FGD6: variants seen among roughly 807,000 people sequenced by gnomAD.
The protein encoded by FGD6 is FYVE, RhoGEF and PH domain containing 6, also known as FYVE, RhoGEF and PH domain-containing protein 6.
In FGD6, 90 loss-of-function variants were observed where a neutral mutation model predicts 149.4. The observed-to-expected ratio is 0.60, with a 90% CI of 0.51 to 0.72. The LOEUF (loss-of-function observed/expected upper bound fraction) is 0.72, where lower values mean the gene tolerates loss of function less well. Ranked by LOEUF, FGD6 falls within the 30% of genes least tolerant of loss-of-function variation. The pLI is 0.00. For missense variants in FGD6, 1,437 were observed against 1,684.8 expected, an observed-to-expected ratio of 0.85 and a Z score of 2.57; for synonymous variants, 527 against 584.0, an observed-to-expected ratio of 0.90 and a Z score of 1.41.
In FGD6 at chr12:95,217,208, C is replaced by T. The variant is rs746941262; in HGVS notation, c.16+17G>A. Reference sequence around the variant, plus strand: ...CGCCACAAACTTTCCCGCGGCAGCGCGAGCGCCGTCACTTACCGGCTGCAG... The same window carrying T: ...CGCCACAAACTTTCCCGCGGCAGCGTGAGCGCCGTCACTTACCGGCTGCAG... On this transcript the variant is annotated intron_variant, in intron 1 of 20. Coordinates refer to ENST00000343958, the MANE Select transcript of FGD6 (RefSeq NM_018351.4). The T allele has an allele frequency of 1.2e-6, 2 of 1,612,414 alleles. No homozygotes were observed. The highest frequency in any genetic ancestry group is 1.7e-6 in the Non-Finnish European group (2 of 1,178,960).
intron 8 of FGD6, chr12:95,125,863 GGGCTTT>G: frequency 2.7e-6 from 3 of 1,127,998 alleles, no homozygotes; most frequent in Non-Finnish European, 4.1e-6. Flanking sequence ...GATCAGAACA[GGGCTTT>G]GGTTGGTGGA....
At chr12:95,141,616 C>G in intron 5 of FGD6, 77 bp from the exon 6 acceptor site, 1 of 1,513,978 alleles carries the variant, frequency 6.6e-7, no homozygotes, top group Non-Finnish European at 9.1e-7. Context: ...AGTCCCCCTC[C>G]TCCCTAAAAT....
chr12:95,085,870 G>C lies in FGD6; in HGVS notation c.4017C>G (p.Tyr1339Ter). 1 of 1,612,220 alleles carries C rather than the reference G, an allele frequency of 6.2e-7. No homozygotes were observed. The highest frequency in any genetic ancestry group is 8.5e-7 in the Non-Finnish European group (1 of 1,179,620). ...ANTEDSSMSG[Y>*]LYRSKGNKKP... ...TTTTATTGCCCTTTGATCTGTACAAGTAGCCACTCATAGAAGAATCCTCTG... is the reference window on the plus strand; with the variant it reads ...TTTTATTGCCCTTTGATCTGTACAACTAGCCACTCATAGAAGAATCCTCTG... The change falls in exon 19 of 21, where the codon TAC (tyrosine) becomes TAG (stop). Residue 1339 changes from tyrosine to a stop codon, truncating the protein, a stop_gained. Transcript: ENST00000343958. LOFTEE classifies it high-confidence loss of function.
intron 3 of FGD6, 64 bp downstream of exon 3, chr12:95,172,536 T>C (rs957349519): frequency 6.5e-6 from 9 of 1,390,760 alleles, no homozygotes; most frequent in Non-Finnish European, 8.7e-6. Flanking sequence ...GTGCCTATTA[T>C]GCAGACAAAT....
intron 8 of FGD6, among the ~76,000 whole-genome samples, chr12:95,125,137 A>G (rs911899671): frequency 1.1e-4 from 16 of 152,184 alleles, no homozygotes; most frequent in African/African-American, 2.4e-4. Flanking sequence ...CTCATAGGCT[A>G]TATCAGACTG....
At chr12:95,083,032 C>CATATATATATATATATATATAT (rs1877748461) in intron 20 of FGD6, among the ~76,000 whole-genome samples, 5 of 73,918 alleles carry the variant, frequency 6.8e-5, no homozygotes, top group African/African-American at 2.9e-4. Flanking sequence ...TATATATATA[C>CATATATATATATATATATATAT]ACACACATAC....
At chr12:95,112,892 C>T (rs1009255185) in intron 9 of FGD6, among the ~76,000 whole-genome samples, 3 of 152,188 alleles carry the variant, frequency 2.0e-5, no homozygotes, top group Admixed American at 6.5e-5. Flanking sequence ...CTTTTTTAGA[C>T]TCATCCCTGC....
In FGD6 at chr12:95,209,888, G is replaced by A; in HGVS notation, c.1396C>T (p.His466Tyr). The change falls in exon 2 of 21, where the codon CAT (histidine) becomes TAT (tyrosine). Residue 466 changes from histidine (H) to tyrosine (Y), a missense_variant. Around this residue, in one of 2 missense-constraint regions of FGD6, gnomAD observed 1,055 missense variants for 1,146.0 expected, o/e 0.92. Transcript: ENST00000343958. ...CCCAGGTTTCTCCCAGATTGCAAAT[G>A]TTCATTGCAAGTTAATTTGAGCTGC... ...PKQLKLTCNE[H>Y]LQSGRNLGVS... 1 of 1,613,280 alleles carries A rather than the reference G, an allele frequency of 6.2e-7. No homozygotes were observed. Among genetic ancestry groups the A allele is most frequent in the South Asian group, 1.1e-5 (1 of 90,692 alleles).
intron 2 of FGD6, among the ~76,000 whole-genome samples, chr12:95,175,799 C>CAAAAAAAAAAAAAA (rs61051041): frequency 5.1e-5 from 2 of 38,896 alleles, no homozygotes; most frequent in Non-Finnish European, 1.0e-4. Context: ...GACTCTGTCT[C>CAAAAAAAAAAAAAA]AAAAAAAAAA....
intron 3 of FGD6, among the ~76,000 whole-genome samples, chr12:95,164,894 GCT>G (rs1309943429): frequency 6.6e-6 from 1 of 151,972 alleles, no homozygotes; most frequent in Admixed American, 6.6e-5. Flanking sequence ...TCTAAACAAT[GCT>G]CTCTTAGGTT....
intron 6 of FGD6, among the ~76,000 whole-genome samples, chr12:95,139,660 CT>C (rs570540891): frequency 0.097 from 13,149 of 135,082 alleles, 676 homozygotes; most frequent in African/African-American, 0.16. Flanking sequence ...TCTATCATGA[CT>C]TTTTTTTTTT....
At chr12:95,211,795 C>A (rs952507162) in intron 1 of FGD6, among the ~76,000 whole-genome samples, 1 of 152,166 alleles carries the variant, frequency 6.6e-6, no homozygotes, top group African/African-American at 2.4e-5. Context: ...ACCTCAGCCT[C>A]CCAAAGTGCT....
chr12:95,201,139 TA>T (rs1443656661), intron 2 of FGD6, among the ~76,000 whole-genome samples: 1 of 152,086 alleles, frequency 6.6e-6, no homozygotes, highest in African/African-American at 2.4e-5. Flanking sequence ...CTATCAAATG[TA>T]ATATACAAGC....
At chr12:95,197,233 G>A (rs1881756084) in intron 2 of FGD6, among the ~76,000 whole-genome samples, 2 of 151,876 alleles carry the variant, frequency 1.3e-5, no homozygotes, top group South Asian at 2.1e-4. Context: ...GAGGTCAGGA[G>A]TTTGAGACCA....
chr12:95,198,295 C>T (rs1458345708), intron 2 of FGD6, among the ~76,000 whole-genome samples: 2 of 152,176 alleles, frequency 1.3e-5, no homozygotes, highest in African/African-American at 4.8e-5. Context: ...AGTTATTCAA[C>T]CCCATTAAGT....
At chr12:95,105,562 A>G (rs1459311244) in intron 13 of FGD6, among the ~76,000 whole-genome samples, 1 of 152,178 alleles carries the variant, frequency 6.6e-6, no homozygotes, top group African/African-American at 2.4e-5. Flanking sequence ...TGTCTTCCCA[A>G]CTAGTTGCTA....
At chr12:95,114,810 C>G (rs1878958037) in intron 8 of FGD6, among the ~76,000 whole-genome samples, 1 of 152,156 alleles carries the variant, frequency 6.6e-6, no homozygotes. Flanking sequence ...TTAAAGCCCC[C>G]TGCTACATGG....
intron 17 of FGD6, among the ~76,000 whole-genome samples, chr12:95,089,926 G>A (rs536313968): frequency 3.9e-5 from 6 of 152,102 alleles, no homozygotes; most frequent in South Asian, 2.1e-4. Context: ...TTACTCTTGT[G>A]TGCCTTTAGA....
At chr12:95,201,955 TACACACACACACACACAC>T (rs71078621) in intron 2 of FGD6, among the ~76,000 whole-genome samples, 14 of 146,560 alleles carry the variant, frequency 9.6e-5, no homozygotes, top group Admixed American at 5.5e-4. Flanking sequence ...CAGGACAGAA[TACACACACACACACACAC>T]ACACACACAC....
Sources: gnomAD v4.1 joint callset for allele counts (sites outside exome capture counted in the v4.1 genomes callset) on GRCh38, gnomAD v4.1.1 for gene constraint, gnomAD v4.1.1 regional missense constraint, MANE v1.5 for transcripts, NCBI Gene and HGNC (gene_info 2026-07-23, HGNC 2026-07-21) for gene names.